The following SLC9C1 variants were observed in gnomAD, a reference collection of about 807,000 sequenced individuals.
SLC9C1 encodes solute carrier family 9 member C1.
A neutral mutation model predicts 140.9 loss-of-function variants in SLC9C1; 97 were observed. The ratio of observed to expected loss-of-function variants is 0.69; its 90% CI spans 0.58 to 0.82. The LOEUF (loss-of-function observed/expected upper bound fraction) is 0.82. Among genes scored for constraint, SLC9C1 ranks in the 40% least tolerant of loss-of-function variants. The pLI is 0.00. For missense variants in SLC9C1, 1,340 were observed against 1,389.3 expected, an observed-to-expected ratio of 0.96 and a Z score of 0.56; for synonymous variants, 440 against 442.6, an observed-to-expected ratio of 0.99 and a Z score of 0.07.
Position 112,180,620 on chromosome 3 carries a change from A to G in SLC9C1, c.2692T>C (p.Phe898Leu). ...CCTTTGGGCTCATCACCTTCTTCAA[A>G]TATATCATTTCCACAATCAAATGTT... is the stretch of plus-strand genomic sequence containing the variant. ...VVTFDCGNDI[F>L]EEGDEPKGIY... The change falls in exon 22 of 29, where the codon TTT (phenylalanine) becomes CTT (leucine). Residue 898 changes from phenylalanine to leucine, a missense_variant. Physicochemically the swap from Phe to Leu is conservative, Grantham distance 22 (BLOSUM62 0). Coordinates refer to ENST00000305815, the MANE Select transcript of SLC9C1 (RefSeq NM_183061.3). The G allele has an allele frequency of 1.2e-6, 2 of 1,613,634 alleles. No individual in the cohort carries two copies. The highest frequency in any genetic ancestry group is 1.7e-6 in the Non-Finnish European group (2 of 1,179,836).
rs1438991963 is a variant in SLC9C1 at position 112,204,418 on chromosome 3, G to C, written c.1987-15C>G. The C allele has an allele frequency of 6.5e-7, 1 of 1,544,166 alleles. No homozygotes were observed. The highest frequency in any genetic ancestry group is 1.3e-5 in the South Asian group (1 of 76,742). ...ATTGCTGCTATCTGTTGATTTAAAA[G>C]GAAATTACATTATCATGTTTGTTTC... On this transcript the variant is annotated splice_polypyrimidine_tract_variant and intron_variant, in intron 16 of 28. Transcript: ENST00000305815.
intron 2 of SLC9C1, among the ~76,000 whole-genome samples, chr3:112,282,503 A>G (rs1305147010): frequency 1.3e-5 from 2 of 152,246 alleles, no homozygotes; most frequent in Non-Finnish European, 2.9e-5. Flanking sequence ...CACCACAGCA[A>G]TGCTCCTGTT....
At chr3:112,293,086 T>C (rs988202869) in intron 1 of SLC9C1, among the ~76,000 whole-genome samples, 11 of 128,088 alleles carry the variant, frequency 8.6e-5, no homozygotes, top group African/African-American at 1.8e-4. Flanking sequence ...CTGGCCAAAA[T>C]AGTGAAACTG....
At chr3:112,290,876 A>G (rs2080662111) in intron 1 of SLC9C1, among the ~76,000 whole-genome samples, 1 of 149,664 alleles carries the variant, frequency 6.7e-6, no homozygotes, top group Non-Finnish European at 1.5e-5. Flanking sequence ...CAGGATTGCA[A>G]CCCTTGCTTT....
chr3:112,256,229 A>T (rs899558381), intron 10 of SLC9C1, among the ~76,000 whole-genome samples: 1 of 152,212 alleles, frequency 6.6e-6, no homozygotes, highest in African/African-American at 2.4e-5. Context: ...TCATTCTATG[A>T]GGCTAGCATC....
chr3:112,162,109 C>T (rs1373119631), intron 26 of SLC9C1, among the ~76,000 whole-genome samples: 3 of 152,066 alleles, frequency 2.0e-5, no homozygotes, highest in African/African-American at 2.4e-5. Context: ...GTGATTTTTG[C>T]ACATTGATTT....
At chr3:112,205,342 CA>C (rs1051694402) in intron 16 of SLC9C1, among the ~76,000 whole-genome samples, 1 of 151,786 alleles carries the variant, frequency 6.6e-6, no homozygotes, top group African/African-American at 2.4e-5. Context: ...ATCCAACTTA[CA>C]AGGGACGTGA....
intron 13 of SLC9C1, among the ~76,000 whole-genome samples, chr3:112,224,219 A>AG (rs1449513487): frequency 6.6e-6 from 1 of 152,206 alleles, no homozygotes; most frequent in Non-Finnish European, 1.5e-5. Flanking sequence ...CATTGACTGT[A>AG]GCTGAAGAAA....
intron 27 of SLC9C1, among the ~76,000 whole-genome samples, chr3:112,154,642 C>A (rs939461732): frequency 4.6e-5 from 7 of 152,154 alleles, no homozygotes; most frequent in African/African-American, 1.7e-4. Context: ...GCTGAGGTAG[C>A]ACTGAAAGAA....
In SLC9C1 at chr3:112,248,527, C is replaced by A. The variant is rs75016242; in HGVS notation, c.1198-4451G>T. The stretch of plus-strand genomic sequence containing the variant: ...TTATTATGTTCTTTATTTCATTTTT[C>A]TGTTAGTTGCTAGTATATAAAAATA... On this transcript the variant is annotated intron_variant, in intron 10 of 28. Transcript: ENST00000305815. Among the ~76,000 whole-genome samples the A allele has an allele frequency of 9.9e-3, 1,510 of 151,970 alleles. 25 individuals carry two copies. Among genetic ancestry groups the A allele is most frequent in the African/African-American group, 0.034 (1,408 of 41,460 alleles).
chr3:112,269,329 C>T (rs959775842), intron 7 of SLC9C1, among the ~76,000 whole-genome samples: 10 of 152,130 alleles, frequency 6.6e-5, no homozygotes, highest in Admixed American at 3.9e-4. Flanking sequence ...AGACTGGTCT[C>T]GAAATCCTGG....
chr3:112,269,819 A>G (rs543144123), intron 7 of SLC9C1, 97 bp downstream of exon 7: 2 of 1,010,808 alleles, frequency 2.0e-6, no homozygotes, highest in Non-Finnish European at 2.8e-6. Flanking sequence ...GATCAGTTGA[A>G]TGTTTTTACT....
At chr3:112,195,648 T>C (rs570758886) in intron 20 of SLC9C1, among the ~76,000 whole-genome samples, 86 of 152,240 alleles carry the variant, frequency 5.6e-4, no homozygotes, top group Non-Finnish European at 6.3e-4. Flanking sequence ...GTGTTTACCA[T>C]GGGCATTATA....
At chr3:112,283,200 C>G (rs141371484) in intron 2 of SLC9C1, among the ~76,000 whole-genome samples, 1 of 152,096 alleles carries the variant, frequency 6.6e-6, no homozygotes. Context: ...AAAAGAATGT[C>G]GACTGGGCAT....
intron 20 of SLC9C1, 103 bp downstream of exon 20, chr3:112,199,218 C>T: frequency 1.1e-6 from 1 of 917,350 alleles, no homozygotes; most frequent in Non-Finnish European, 1.5e-6. Context: ...TGAGATTTTC[C>T]TATCTTAGAA....
intron 20 of SLC9C1, among the ~76,000 whole-genome samples, chr3:112,194,797 T>C (rs1560050561): frequency 6.6e-6 from 1 of 152,050 alleles, no homozygotes; most frequent in Non-Finnish European, 1.5e-5. Flanking sequence ...GAAACAATGA[T>C]ATTTTCTTTT....
chr3:112,286,897 G>C lies in SLC9C1; in HGVS notation c.-87-19C>G. 3.2e-6 allele frequency: 2 copies of C among 634,692 alleles called. No homozygotes were observed. Among genetic ancestry groups the C allele is most frequent in the Non-Finnish European group, 2.4e-6 (1 of 410,958 alleles). The allele number at this position is 634,692 out of a possible 1,614,324, so 39.3% of individuals were successfully genotyped here. On this transcript the variant is annotated intron_variant, in intron 1 of 28. Coordinates refer to ENST00000305815, the MANE Select transcript of SLC9C1 (RefSeq NM_183061.3). Reference sequence around the variant, plus strand: ...TCTGAATCTAAGAAACATAAGATTTGCCTTCTTGGTGGCCTTCTAATAATT... The same window carrying C: ...TCTGAATCTAAGAAACATAAGATTTCCCTTCTTGGTGGCCTTCTAATAATT...
chr3:112,241,843 T>C (rs527684267), intron 11 of SLC9C1, among the ~76,000 whole-genome samples: 1 of 152,228 alleles, frequency 6.6e-6, no homozygotes, highest in Admixed American at 6.5e-5. Context: ...AAACAGACAA[T>C]GGGGGATGGA....
chr3:112,288,394 TG>T (rs762218000), intron 1 of SLC9C1, among the ~76,000 whole-genome samples: 1 of 152,226 alleles, frequency 6.6e-6, no homozygotes, highest in Non-Finnish European at 1.5e-5. Flanking sequence ...CTCTTATTAT[TG>T]TATCACCAGC....
Sources: allele counts gnomAD v4.1 joint callset (sites outside exome capture counted in the v4.1 genomes callset), GRCh38; gene constraint gnomAD v4.1.1; transcripts MANE v1.5; gene names NCBI Gene and HGNC (gene_info 2026-07-23, HGNC 2026-07-21).